MYO5B: variants seen among roughly 807,000 people sequenced by gnomAD.
MYO5B encodes myosin VB, also known as unconventional myosin-Vb.
In MYO5B, 143 loss-of-function variants were observed where a neutral mutation model predicts 229.3. That is an observed-to-expected ratio of 0.62 (90% CI 0.54 to 0.72). The LOEUF is 0.72. Ranked by LOEUF, MYO5B falls within the 30% of genes least tolerant of loss-of-function variation. The probability of loss-of-function intolerance (pLI) is 0.00; values close to 1 mark genes in which losing one functional copy is unlikely to be tolerated. For missense variants in MYO5B, 2,321 were observed against 2,331.0 expected, an observed-to-expected ratio of 1.00 and a Z score of 0.09; for synonymous variants, 918 against 885.2, an observed-to-expected ratio of 1.04 and a Z score of -0.66.
chr18:50,126,227 T>A (rs1241842343), intron 1 of MYO5B, among the ~76,000 whole-genome samples: 1 of 152,158 alleles, frequency 6.6e-6, no homozygotes, highest in East Asian at 1.9e-4. Flanking sequence ...TTTACCATAA[T>A]AAAAACAAAC....
In MYO5B at chr18:50,188,168, C is replaced by T. The variant is rs140635330; in HGVS notation, c.27+6599G>A. ...ATAGTGCTATAATTATCCCCATATA[C>T]ATCTAGCTCATACCTGTCCCTATGC... On this transcript the variant is annotated intron_variant, in intron 1 of 39. Transcript: ENST00000285039. 6.6e-5 allele frequency among the ~76,000 whole-genome samples: 10 copies of T among 152,310 alleles called. No individual in the cohort carries two copies. In the East Asian group the frequency reaches 1.9e-3, roughly 29 times the overall value.
chr18:50,155,886 A>G (rs989992973), intron 1 of MYO5B, among the ~76,000 whole-genome samples: 2 of 152,370 alleles, frequency 1.3e-5, no homozygotes, highest in Middle Eastern at 3.4e-3. Flanking sequence ...TTGGTTTTCA[A>G]AAGTTAACTT....
intron 18 of MYO5B, among the ~76,000 whole-genome samples, chr18:49,908,210 C>A (rs911556799): frequency 6.6e-6 from 1 of 152,198 alleles, no homozygotes; most frequent in Non-Finnish European, 1.5e-5. Context: ...ACAAGGATTT[C>A]TCTGAGGGTC....
At chr18:49,880,595 C>G (rs894725442) in intron 22 of MYO5B, 140 bp from the exon 23 acceptor site, 2 of 754,062 alleles carry the variant, frequency 2.7e-6, no homozygotes, top group African/African-American at 3.4e-5. Context: ...CTTTTGTTTT[C>G]AAGGAAAAAT....
intron 16 of MYO5B, among the ~76,000 whole-genome samples, chr18:49,933,503 A>G (rs1263797113): frequency 6.6e-6 from 1 of 152,264 alleles, no homozygotes; most frequent in African/African-American, 2.4e-5. Flanking sequence ...AGCCTTTTGT[A>G]TAGGTCATGC....
intron 1 of MYO5B, among the ~76,000 whole-genome samples, chr18:50,122,091 C>T (rs2032067428): frequency 6.6e-6 from 1 of 152,196 alleles, no homozygotes; most frequent in South Asian, 2.1e-4. Context: ...TAGTCTCAGT[C>T]TGTTTCCTCG....
intron 10 of MYO5B, among the ~76,000 whole-genome samples, chr18:49,968,132 A>C (rs960046804): frequency 6.6e-6 from 1 of 152,182 alleles, no homozygotes. Flanking sequence ...AGATGACAGG[A>C]AACTAGTACA....
intron 9 of MYO5B, among the ~76,000 whole-genome samples, 162 bp from the exon 10 acceptor site, chr18:49,974,777 T>TCACACACACA (rs1568054668): frequency 1.1e-4 from 1 of 8,846 alleles, no homozygotes; most frequent in Non-Finnish European, 6.7e-4. Flanking sequence ...CAGCAGTCTC[T>TCACACACACA]CTCACACACA....
At chr18:50,147,283 T>C (rs1014233522) in intron 1 of MYO5B, among the ~76,000 whole-genome samples, 3 of 152,114 alleles carry the variant, frequency 2.0e-5, no homozygotes, top group Non-Finnish European at 4.4e-5. Flanking sequence ...GCTCGCTCCC[T>C]TCACCTGCCA....
At chr18:49,936,515 G>A (rs1259309578) in intron 15 of MYO5B, among the ~76,000 whole-genome samples, 166 bp from the exon 16 acceptor site, 2 of 152,152 alleles carry the variant, frequency 1.3e-5, no homozygotes, top group Non-Finnish European at 2.9e-5. Context: ...CTCTGACACT[G>A]CTATCTTGCT....
Position 49,852,728 on chromosome 18 carries a change from C to G in MYO5B, c.4221+721G>C, listed in dbSNP as rs537472925. ...GGTCCATGCTTTTCTTCTCCCTCCC[C>G]CTCTGCCAGTCTCCATGATTTACAT... On this transcript the variant is annotated intron_variant, in intron 31 of 39. Coordinates refer to ENST00000285039, the MANE Select transcript of MYO5B (RefSeq NM_001080467.3). Among the ~76,000 whole-genome samples the G allele has an allele frequency of 3.3e-5, 5 of 152,226 alleles. No homozygotes were observed. The East Asian group carries it at 9.7e-4, about 29-fold the overall frequency.
chr18:50,035,500 C>T (rs1019658175), intron 4 of MYO5B, among the ~76,000 whole-genome samples: 30 of 152,222 alleles, frequency 2.0e-4, no homozygotes, highest in African/African-American at 6.8e-4. Context: ...CGTTCAGTCC[C>T]AAGGCCTCCC....
chr18:50,148,778 C>T (rs938939815), intron 1 of MYO5B, among the ~76,000 whole-genome samples: 2 of 151,450 alleles, frequency 1.3e-5, no homozygotes, highest in Non-Finnish European at 2.9e-5. Flanking sequence ...TGGCACAAGA[C>T]AGGGATGCCC....
At chr18:50,050,309 C>T (rs562017589) in intron 2 of MYO5B, among the ~76,000 whole-genome samples, 1 of 152,242 alleles carries the variant, frequency 6.6e-6, no homozygotes, top group East Asian at 1.9e-4. Flanking sequence ...GCACAGCAGG[C>T]ATTTAAGTTG....
At chr18:50,014,826 A>G (rs2026200239) in intron 4 of MYO5B, among the ~76,000 whole-genome samples, 1 of 152,234 alleles carries the variant, frequency 6.6e-6, no homozygotes, top group Non-Finnish European at 1.5e-5. Flanking sequence ...TTTACCGCAC[A>G]GCTCCCTTGC....
intron 22 of MYO5B, among the ~76,000 whole-genome samples, chr18:49,883,307 G>C (rs1167335383): frequency 6.6e-6 from 1 of 151,968 alleles, no homozygotes; most frequent in Non-Finnish European, 1.5e-5. Flanking sequence ...AGGTTGCAGG[G>C]TCCAATTTCA....
chr18:49,902,945 G>C (rs1465956666), intron 20 of MYO5B, 112 bp from the exon 21 acceptor site: 1 of 1,341,460 alleles, frequency 7.5e-7, no homozygotes, highest in Non-Finnish European at 1.0e-6. Flanking sequence ...TTGGTTCTAG[G>C]AGTTACACAG....
At chr18:50,184,302 C>T (rs1462515893) in intron 1 of MYO5B, among the ~76,000 whole-genome samples, 1 of 151,992 alleles carries the variant, frequency 6.6e-6, no homozygotes. Flanking sequence ...GACCACCTGC[C>T]GTTCTTTCTG....
chr18:50,084,985 A>G (rs2031300557), intron 1 of MYO5B, among the ~76,000 whole-genome samples: 2 of 150,732 alleles, frequency 1.3e-5, no homozygotes, highest in South Asian at 2.1e-4. Flanking sequence ...AGGCAATACC[A>G]TTCAGGACAT....
Sources: allele counts gnomAD v4.1 joint callset (sites outside exome capture counted in the v4.1 genomes callset), GRCh38; gene constraint gnomAD v4.1.1; transcripts MANE v1.5; gene names NCBI Gene and HGNC (gene_info 2026-07-23, HGNC 2026-07-21).